KPNA1: variants seen among roughly 807,000 people sequenced by gnomAD.
The protein encoded by KPNA1 is karyopherin subunit alpha 1.
KPNA1 carries 10 observed loss-of-function variants against 70.5 expected under a neutral mutation model. The ratio of observed to expected loss-of-function variants is 0.14; its 90% CI spans 0.09 to 0.24. KPNA1 has a LOEUF of 0.24. Ranked by LOEUF, KPNA1 falls within the 10% of genes least tolerant of loss-of-function variation. KPNA1 has a pLI of 1.00. For synonymous variants in KPNA1, 192 were observed against 221.9 expected (o/e 0.87, Z 1.20); for missense variants, 397 against 637.9 (o/e 0.62, Z 4.07).
chr3:122,510,759 A>G (rs778467771), intron 1 of KPNA1, among the ~76,000 whole-genome samples: 8 of 152,244 alleles, frequency 5.3e-5, no homozygotes, highest in Non-Finnish European at 1.0e-4. Flanking sequence ...ACACAAGAGG[A>G]AACAGCTAGA....
At chr3:122,442,335 A>G (rs1240488245) in intron 9 of KPNA1, among the ~76,000 whole-genome samples, 2 of 152,070 alleles carry the variant, frequency 1.3e-5, no homozygotes, top group Non-Finnish European at 2.9e-5. Flanking sequence ...AAAACTACCA[A>G]TCTTTCCTAG....
intron 1 of KPNA1, among the ~76,000 whole-genome samples, chr3:122,510,580 CTA>C (rs1372664455): frequency 1.3e-5 from 2 of 152,132 alleles, no homozygotes; most frequent in Admixed American, 6.5e-5. Context: ...CCTGTGATAA[CTA>C]TATTTGGAGG....
intron 1 of KPNA1, among the ~76,000 whole-genome samples, chr3:122,502,436 G>C (rs2076839657): frequency 6.6e-6 from 1 of 152,200 alleles, no homozygotes; most frequent in African/African-American, 2.4e-5. Context: ...GAGATACAGA[G>C]AAAGGCTACA....
chr3:122,471,687 C>A (rs1309592022), intron 2 of KPNA1, among the ~76,000 whole-genome samples: 4 of 152,034 alleles, frequency 2.6e-5, no homozygotes, highest in Non-Finnish European at 4.4e-5. Context: ...ACTAAAAATA[C>A]AAAAATTAGC....
intron 9 of KPNA1, among the ~76,000 whole-genome samples, chr3:122,442,447 GATAATTGAGAGCA>G (rs2076077164): frequency 6.6e-6 from 1 of 152,088 alleles, no homozygotes; most frequent in East Asian, 1.9e-4. Context: ...TGGTTGCTGA[GATAATTGAGAGCA>G]ATAATTAACA....
intron 2 of KPNA1, among the ~76,000 whole-genome samples, chr3:122,473,496 C>T (rs958066342): frequency 1.6e-4 from 24 of 152,070 alleles, no homozygotes; most frequent in African/African-American, 5.1e-4. Context: ...AAAACAAACC[C>T]AACAATGTAT....
rs972111542 is a variant in KPNA1, at chr3:122,421,984, T to C, written c.*5001A>G. The C allele has an allele frequency of 9.8e-5, 15 of 152,378 alleles. No individual in the cohort carries two copies. The highest frequency in any genetic ancestry group is 3.1e-4 in the African/African-American group (13 of 41,594). The allele number at this position is 152,378 out of a possible 1,614,324, so 9.4% of individuals were successfully genotyped here. On this transcript the variant is annotated 3_prime_UTR_variant, in exon 14 of 14. Coordinates refer to ENST00000344337, the MANE Select transcript of KPNA1 (RefSeq NM_002264.4). ...TTTAGTATTTATTGAATGTCTACTA[T>C]GTGCAAGGCACTCACCCATGGCCTG...
At position 122,426,105 on chromosome 3, in the gene KPNA1, G is replaced by T. The variant is rs10045; in HGVS notation, c.*880C>A. The T allele has an allele frequency of 0.38, 58,069 of 151,918 alleles. 11,472 individuals carry two copies. Among genetic ancestry groups the T allele is most frequent in the East Asian group, 0.54 (2,788 of 5,170 alleles). 9.4% of individuals were successfully genotyped at this position (151,918 alleles called of 1,614,324 possible). Reference sequence around the variant, plus strand: ...TTTGGGAAAATTGGAGGGTTTTTTCGTCCTTAGTTTTTTTTATTAAATTAC... The same window carrying T: ...TTTGGGAAAATTGGAGGGTTTTTTCTTCCTTAGTTTTTTTTATTAAATTAC... On this transcript the variant is annotated 3_prime_UTR_variant, in exon 14 of 14. Coordinates refer to ENST00000344337, the MANE Select transcript of KPNA1 (RefSeq NM_002264.4).
intron 9 of KPNA1, among the ~76,000 whole-genome samples, chr3:122,446,163 CAA>C (rs1292107529): frequency 6.6e-6 from 1 of 152,170 alleles, no homozygotes. Context: ...AGCTCTGCAC[CAA>C]GTGGACCTAA....
At chr3:122,459,581 A>G in intron 5 of KPNA1, 1 of 985,400 alleles carries the variant, frequency 1.0e-6, no homozygotes, top group South Asian at 4.7e-5. Context: ...TATCCTGAGA[A>G]AAGTCTCTCT....
intron 2 of KPNA1, among the ~76,000 whole-genome samples, chr3:122,491,190 G>A (rs777668753): frequency 3.3e-5 from 5 of 152,014 alleles, no homozygotes; most frequent in Non-Finnish European, 5.9e-5. Context: ...ACATTTACAC[G>A]ATTCCAAAAT....
chr3:122,496,714 C>A (rs2076765727), intron 1 of KPNA1, 144 bp from the exon 2 acceptor site: 2 of 660,404 alleles, frequency 3.0e-6, no homozygotes, highest in Non-Finnish European at 5.1e-6. Flanking sequence ...CCACTCCTGT[C>A]TTTTTTGAGA....
intron 2 of KPNA1, among the ~76,000 whole-genome samples, chr3:122,484,967 A>ACC (rs2076612834): frequency 6.6e-6 from 1 of 152,182 alleles, no homozygotes; most frequent in African/African-American, 2.4e-5. Flanking sequence ...GCACAATCAT[A>ACC]CCTCATTGCT....
At chr3:122,477,404 T>G (rs966875943) in intron 2 of KPNA1, among the ~76,000 whole-genome samples, 1 of 152,142 alleles carries the variant, frequency 6.6e-6, no homozygotes, top group Non-Finnish European at 1.5e-5. Flanking sequence ...TGAAGACTGT[T>G]AAGACAACAG....
At chr3:122,452,698 A>C (rs879661490) in intron 6 of KPNA1, among the ~76,000 whole-genome samples, 2 of 79,426 alleles carry the variant, frequency 2.5e-5, no homozygotes, top group Admixed American at 2.6e-4. Context: ...AGGGAGGGAG[A>C]GACGGAGAGA....
At chr3:122,507,376 G>C (rs2076901839) in intron 1 of KPNA1, among the ~76,000 whole-genome samples, 2 of 150,448 alleles carry the variant, frequency 1.3e-5, no homozygotes, top group African/African-American at 4.9e-5. Context: ...AGATGGCAGA[G>C]GTTGCAGTGA....
rs1446085596 is a variant in KPNA1 at position 122,426,881 on chromosome 3, T to C, written c.*104A>G. Reference sequence around the variant, plus strand: ...AAGCAAATGAGCGCAAACAGTATTATGGAAAACATTTGAGAAGTTAGCTCC... The same window carrying C: ...AAGCAAATGAGCGCAAACAGTATTACGGAAAACATTTGAGAAGTTAGCTCC... On this transcript the variant is annotated 3_prime_UTR_variant, in exon 14 of 14. Transcript: ENST00000344337. The C allele has an allele frequency of 5.6e-6, 5 of 888,804 alleles. No individual in the cohort carries two copies. In the Admixed American group the frequency reaches 7.8e-5, roughly 14 times the overall value. 55.1% of individuals were successfully genotyped at this position (888,804 alleles called of 1,614,324 possible). A position where few individuals can be genotyped will look rare whatever the true frequency, so the allele number is the denominator to read the frequency against.
chr3:122,433,998 G>C (rs1211180039), intron 11 of KPNA1, among the ~76,000 whole-genome samples: 1 of 151,986 alleles, frequency 6.6e-6, no homozygotes, highest in Non-Finnish European at 1.5e-5. Context: ...GTGCAGTGGT[G>C]CAATCTCAGC....
At chr3:122,450,657 A>G (rs1415815985) in intron 8 of KPNA1, among the ~76,000 whole-genome samples, 1 of 152,220 alleles carries the variant, frequency 6.6e-6, no homozygotes, top group African/African-American at 2.4e-5. Context: ...TGTTGCTGGG[A>G]ATGTAAACCA....
Sources: allele counts gnomAD v4.1 joint callset (sites outside exome capture counted in the v4.1 genomes callset), GRCh38; gene constraint gnomAD v4.1.1; transcripts MANE v1.5; gene names NCBI Gene and HGNC (gene_info 2026-07-23, HGNC 2026-07-21).